DPYD: variants seen among roughly 807,000 people sequenced by gnomAD.
The protein encoded by DPYD is dihydropyrimidine dehydrogenase, also known as dihydropyrimidine dehydrogenase [NADP(+)].
A neutral mutation model predicts 116.2 loss-of-function variants in DPYD; 109 were observed. The ratio of observed to expected loss-of-function variants is 0.94; its 90% CI spans 0.80 to 1.10. The LOEUF is 1.10. DPYD is among the 50% of genes least tolerant of loss of function. The pLI is 0.00. For missense variants in DPYD, 1,302 were observed against 1,254.5 expected, an observed-to-expected ratio of 1.04 and a Z score of -0.57; for synonymous variants, 440 against 432.0, an observed-to-expected ratio of 1.02 and a Z score of -0.23.
chr1:97,131,297 G>A (rs2101669756), intron 20 of DPYD, among the ~76,000 whole-genome samples: 1 of 152,178 alleles, frequency 6.6e-6, no homozygotes, highest in African/African-American at 2.4e-5. Flanking sequence ...CCTAACTTGA[G>A]GTAAAAAGTG....
At chr1:97,776,345 G>A (rs573073289) in intron 3 of DPYD, among the ~76,000 whole-genome samples, 11 of 152,226 alleles carry the variant, frequency 7.2e-5, no homozygotes, top group South Asian at 6.2e-4. Context: ...CATGAACTGT[G>A]CTGAAGTCCT....
intron 20 of DPYD, among the ~76,000 whole-genome samples, chr1:97,156,320 T>C (rs1655453859): frequency 6.6e-6 from 1 of 151,836 alleles, no homozygotes; most frequent in South Asian, 2.1e-4. Flanking sequence ...ACCATCAGAG[T>C]AAACAGGCAA....
chr1:97,208,983 T>G (rs1261118750), intron 19 of DPYD, among the ~76,000 whole-genome samples: 1 of 152,070 alleles, frequency 6.6e-6, no homozygotes, highest in Non-Finnish European at 1.5e-5. Flanking sequence ...TGTTCCATAT[T>G]GACTAATTTC....
chr1:97,332,333 CAG>C (rs369039476), intron 16 of DPYD, among the ~76,000 whole-genome samples: 1 of 152,292 alleles, frequency 6.6e-6, no homozygotes, highest in African/African-American at 2.4e-5. Context: ...ATGTATAAAA[CAG>C]AGTTATTTCA....
intron 3 of DPYD, among the ~76,000 whole-genome samples, chr1:97,824,127 T>A (rs1411276016): frequency 6.6e-6 from 1 of 152,302 alleles, no homozygotes; most frequent in South Asian, 2.1e-4. Context: ...GTCAAATTCT[T>A]AGGGAGGTTT....
At chr1:97,754,425 C>T (rs1665116710) in intron 3 of DPYD, among the ~76,000 whole-genome samples, 1 of 152,110 alleles carries the variant, frequency 6.6e-6, no homozygotes, top group Admixed American at 6.6e-5. Flanking sequence ...AAATTCCCTC[C>T]ACTATGCTCC....
At chr1:97,568,202 G>A (rs1011561471) in intron 11 of DPYD, among the ~76,000 whole-genome samples, 1 of 151,776 alleles carries the variant, frequency 6.6e-6, no homozygotes, top group African/African-American at 2.4e-5. Flanking sequence ...ACAAAGTCAT[G>A]TTGACAGAGC....
chr1:97,210,954 A>G (rs536716155), intron 19 of DPYD, among the ~76,000 whole-genome samples: 2 of 152,322 alleles, frequency 1.3e-5, no homozygotes, highest in African/African-American at 2.4e-5. Flanking sequence ...TGCAACTGGA[A>G]TCAATCATGG....
At chr1:97,574,854 G>A (rs1653160202) in intron 10 of DPYD, among the ~76,000 whole-genome samples, 1 of 152,118 alleles carries the variant, frequency 6.6e-6, no homozygotes, top group South Asian at 2.1e-4. Flanking sequence ...CACTCTGAAA[G>A]CCAGGTAGAT....
intron 5 of DPYD, 106 bp from the exon 6 acceptor site, chr1:97,699,653 G>C (rs1171100857): frequency 1.8e-6 from 2 of 1,119,578 alleles, no homozygotes; most frequent in Admixed American, 3.6e-5. Context: ...GCAATGAGCA[G>C]TACATTTTCA....
intron 12 of DPYD, chr1:97,545,699 A>G: frequency 1.1e-6 from 1 of 897,232 alleles, no homozygotes; most frequent in South Asian, 1.6e-5. Flanking sequence ...GAAACTAAAA[A>G]CTGCCAACTA....
At chr1:97,219,687 G>A (rs1660656870) in intron 19 of DPYD, among the ~76,000 whole-genome samples, 2 of 152,124 alleles carry the variant, frequency 1.3e-5, no homozygotes, top group Non-Finnish European at 2.9e-5. Flanking sequence ...TGAACAAGAT[G>A]CCATGGAAGT....
intron 2 of DPYD, among the ~76,000 whole-genome samples, chr1:97,838,822 G>A (rs1054083964): frequency 6.6e-6 from 1 of 151,970 alleles, no homozygotes; most frequent in East Asian, 1.9e-4. Context: ...TCCGCAGTCC[G>A]GCCTGGGCGA....
intron 3 of DPYD, among the ~76,000 whole-genome samples, chr1:97,775,220 T>C (rs1666333806): frequency 6.6e-6 from 1 of 152,234 alleles, no homozygotes. Context: ...AACCCCTGAA[T>C]GTCTAAGAAT....
intron 13 of DPYD, among the ~76,000 whole-genome samples, chr1:97,475,615 T>C (rs1467209548): frequency 1.3e-5 from 2 of 151,498 alleles, no homozygotes; most frequent in Non-Finnish European, 2.9e-5. Flanking sequence ...AGCAAATACT[T>C]ACTCTTTGTG....
Position 97,679,092 on chromosome 1 carries a change from C to T in DPYD, c.850+3G>A. The stretch of plus-strand genomic sequence containing the variant: ...TAAATATATTTAAGAGTAAACTACT[C>T]ACCTATTCCAATGAAAGCAGCTTTG... On this transcript the variant is annotated splice_donor_region_variant and intron_variant, in intron 8 of 22. Coordinates refer to ENST00000370192, the MANE Select transcript of DPYD (RefSeq NM_000110.4). The T allele has an allele frequency of 6.8e-7, 1 of 1,467,736 alleles. No individual in the cohort carries two copies. The highest frequency in any genetic ancestry group is 9.4e-7 in the Non-Finnish European group (1 of 1,064,266). The allele number at this position is 1,467,736 out of a possible 1,614,324, so 90.9% of individuals were successfully genotyped here.
At chr1:97,426,499 T>G (rs1674873246) in intron 14 of DPYD, among the ~76,000 whole-genome samples, 1 of 151,630 alleles carries the variant, frequency 6.6e-6, no homozygotes, top group East Asian at 1.9e-4. Flanking sequence ...AGAGTGTGGC[T>G]TAGTCTAATA....
chr1:97,105,508 T>G (rs1651072087), intron 20 of DPYD, among the ~76,000 whole-genome samples: 1 of 152,040 alleles, frequency 6.6e-6, no homozygotes, highest in South Asian at 2.1e-4. Context: ...GGAAACAGGG[T>G]TGAGTTTCAT....
chr1:97,445,710 T>A (rs1160547923), intron 14 of DPYD, among the ~76,000 whole-genome samples: 2 of 146,910 alleles, frequency 1.4e-5, no homozygotes, highest in Non-Finnish European at 3.0e-5. Flanking sequence ...CCTTTCTAAA[T>A]GTATAAATTG....
Sources: allele counts gnomAD v4.1 joint callset (sites outside exome capture counted in the v4.1 genomes callset), GRCh38; gene constraint gnomAD v4.1.1; transcripts MANE v1.5; gene names NCBI Gene and HGNC (gene_info 2026-07-23, HGNC 2026-07-21).